YWHAZ: variants seen among roughly 807,000 people sequenced by gnomAD.
YWHAZ encodes tyrosine 3-monooxygenase/tryptophan 5-monooxygenase activation protein zeta, also known as 14-3-3 protein zeta/delta.
For missense variants in YWHAZ, 79 were observed against 284.8 expected, an observed-to-expected ratio of 0.28 and a Z score of 5.20; for synonymous variants, 87 against 103.6, an observed-to-expected ratio of 0.84 and a Z score of 0.97.
At chr8:100,944,927 G>A (rs552915936) in intron 2 of YWHAZ, among the ~76,000 whole-genome samples, 4 of 152,188 alleles carry the variant, frequency 2.6e-5, no homozygotes, top group African/African-American at 9.6e-5. Context: ...TATTCACCTC[G>A]ACATACTTCT....
At chr8:100,923,833 A>G (rs1813189087) in intron 5 of YWHAZ, 122 bp downstream of exon 5, 2 of 662,586 alleles carry the variant, frequency 3.0e-6, no homozygotes, top group Non-Finnish European at 5.0e-6. Context: ...TATTTATGAG[A>G]GCCTATGAAA....
chr8:100,919,721 C>A lies in YWHAZ; in HGVS notation c.*972G>T, dbSNP rs1812890555. 6.6e-6 allele frequency: 1 copy of A among 152,416 alleles called. No homozygotes were observed. The highest frequency in any genetic ancestry group is 1.5e-5 in the Non-Finnish European group (1 of 68,006). 9.4% of individuals were successfully genotyped at this position (152,416 alleles called of 1,614,324 possible). Reference sequence around the variant, plus strand: ...AAAGTCCATTCATAAAACTTTTATTCCACTTACATGAATTTAATACACGTG... The same window carrying A: ...AAAGTCCATTCATAAAACTTTTATTACACTTACATGAATTTAATACACGTG... On this transcript the variant is annotated 3_prime_UTR_variant, in exon 6 of 6. Transcript: ENST00000395958.
At chr8:100,953,277 C>T, upstream of YWHAZ, 1 of 985,520 alleles carries the variant, frequency 1.0e-6, no homozygotes. Flanking sequence ...ACCTTTTTAT[C>T]TCCTAGAAGC....
At chr8:100,932,279 C>A (rs1378931586) in intron 2 of YWHAZ, among the ~76,000 whole-genome samples, 1 of 152,168 alleles carries the variant, frequency 6.6e-6, no homozygotes, top group Non-Finnish European at 1.5e-5. Context: ...GTTTGTACTG[C>A]AGTAACTGAT....
rs1812845610 is a variant in YWHAZ, at chr8:100,918,965, ATT to A, written c.*1726_*1727del. On this transcript the variant is annotated 3_prime_UTR_variant, in exon 6 of 6. Coordinates refer to ENST00000395958, the MANE Select transcript of YWHAZ (RefSeq NM_145690.3). Reference sequence around the variant, plus strand: ...AATAGAGGAGGAAGAAAGAGGAAGGATTTTAAAGGCAGACAATGACAGACCAT... The same window carrying A: ...AATAGAGGAGGAAGAAAGAGGAAGGATTAAAGGCAGACAATGACAGACCAT... The A allele has an allele frequency of 2.6e-5, 4 of 152,566 alleles. No individual in the cohort carries two copies. Among genetic ancestry groups the A allele is most frequent in the Non-Finnish European group, 5.9e-5 (4 of 68,072 alleles). 9.5% of individuals were successfully genotyped at this position (152,566 alleles called of 1,614,324 possible).
At chr8:100,928,189 A>G (rs1004752266) in intron 2 of YWHAZ, among the ~76,000 whole-genome samples, 2 of 152,018 alleles carry the variant, frequency 1.3e-5, no homozygotes, top group Non-Finnish European at 2.9e-5. Context: ...CTGAGGCAGG[A>G]GAACAGTGTG....
chr8:100,950,602 T>G (rs1810654359), intron 1 of YWHAZ: 1 of 984,736 alleles, frequency 1.0e-6, no homozygotes, highest in Non-Finnish European at 1.2e-6. Flanking sequence ...GAGTGTTAAT[T>G]CCTCCCCCCG....
intron 1 of YWHAZ, chr8:100,951,406 G>T (rs569068953): frequency 1.0e-6 from 1 of 982,520 alleles, no homozygotes; most frequent in Non-Finnish European, 1.2e-6. Context: ...CTGCGCGAGG[G>T]GGAGGGAAAG....
At position 100,933,634 on chromosome 8, in the gene YWHAZ, A is replaced by G. The variant is rs1184417485; in HGVS notation, c.295-8595T>C. Among the ~76,000 whole-genome samples the G allele has an allele frequency of 3.3e-5, 5 of 152,172 alleles. No individual in the cohort carries two copies. In the East Asian group the frequency reaches 7.7e-4, roughly 23 times the overall value. On this transcript the variant is annotated intron_variant, in intron 2 of 5. Transcript: ENST00000395958. ...TATTCAAAGCTATTCAGCTTCATCT[A>G]CATTGTCTGTACAGATAGTGTGTAG...
At chr8:100,940,772 G>A (rs1809784586) in intron 2 of YWHAZ, among the ~76,000 whole-genome samples, 1 of 152,186 alleles carries the variant, frequency 6.6e-6, no homozygotes, top group African/African-American at 2.4e-5. Flanking sequence ...TGTGGAAACA[G>A]AGTCACAGAC....
chr8:100,923,581 C>A (rs959766005), intron 5 of YWHAZ: 7 of 160,774 alleles, frequency 4.4e-5, no homozygotes, highest in African/African-American at 1.7e-4. Flanking sequence ...TCTGTAGATA[C>A]CTGAGATTTT....
intron 2 of YWHAZ, among the ~76,000 whole-genome samples, chr8:100,928,810 C>T (rs1020825211): frequency 2.6e-5 from 4 of 151,732 alleles, no homozygotes; most frequent in South Asian, 4.2e-4. Flanking sequence ...CGTTATTCCA[C>T]AATCAGGAAT....
chr8:100,941,365 G>A (rs977839980), intron 2 of YWHAZ, among the ~76,000 whole-genome samples: 1 of 152,178 alleles, frequency 6.6e-6, no homozygotes, highest in Non-Finnish European at 1.5e-5. Context: ...TCTCAGAAAA[G>A]CGTTTGTAAT....
chr8:100,924,789 A>C lies in YWHAZ; in HGVS notation c.418+127T>G. Reference sequence around the variant, plus strand: ...AGTAGATGTGTATTCTCAGAACACAAAGAGCACTGCTACTCCTTATTCGGC... The same window carrying C: ...AGTAGATGTGTATTCTCAGAACACACAGAGCACTGCTACTCCTTATTCGGC... On this transcript the variant is annotated intron_variant, in intron 3 of 5. Coordinates refer to ENST00000395958, the MANE Select transcript of YWHAZ (RefSeq NM_145690.3). This position sits in a 1 kb window ranked among gnomAD's most constrained non-coding sequence, Gnocchi z 5.7. The C allele has an allele frequency of 8.3e-7, 1 of 1,200,064 alleles. No homozygotes were observed. The allele number at this position is 1,200,064 out of a possible 1,614,324, so 74.3% of individuals were successfully genotyped here. A position where few individuals can be genotyped will look rare whatever the true frequency, so the allele number is the denominator to read the frequency against.
At chr8:100,944,540 C>T (rs1810123382) in intron 2 of YWHAZ, among the ~76,000 whole-genome samples, 1 of 152,202 alleles carries the variant, frequency 6.6e-6, no homozygotes, top group Non-Finnish European at 1.5e-5. Context: ...TCATTCTCTG[C>T]CTACAGCAGT....
chr8:100,944,395 T>C (rs1471433932), intron 2 of YWHAZ, among the ~76,000 whole-genome samples: 2 of 152,180 alleles, frequency 1.3e-5, no homozygotes, highest in African/African-American at 4.8e-5. Context: ...AATAAAAACG[T>C]AGAGCAGCAA....
chr8:100,924,396 T>A lies in YWHAZ; in HGVS notation c.419-98A>T. 1.6e-6 allele frequency: 2 copies of A among 1,219,216 alleles called. No individual in the cohort carries two copies. The highest frequency in any genetic ancestry group is 2.3e-6 in the Non-Finnish European group (2 of 887,980). 75.5% of individuals were successfully genotyped at this position (1,219,216 alleles called of 1,614,324 possible). ...ATATCTCACATATCCTTTGAAATAC[T>A]AACCTGTAACAGCTTAATATTTGTT... On this transcript the variant is annotated intron_variant, in intron 3 of 5. Coordinates refer to ENST00000395958, the MANE Select transcript of YWHAZ (RefSeq NM_145690.3). This position sits in a 1 kb window ranked among gnomAD's most constrained non-coding sequence, Gnocchi z 5.7.
rs917807812 is a variant in YWHAZ, at chr8:100,919,486, T to C, written c.*1207A>G. Reference sequence around the variant, plus strand: ...AAATAGGAACTCATTTTTTTCAGGGTGGGGAGGAAGAGAGGGGATCATGGG... The same window carrying C: ...AAATAGGAACTCATTTTTTTCAGGGCGGGGAGGAAGAGAGGGGATCATGGG... On this transcript the variant is annotated 3_prime_UTR_variant, in exon 6 of 6. Coordinates refer to ENST00000395958, the MANE Select transcript of YWHAZ (RefSeq NM_145690.3). The C allele has an allele frequency of 2.6e-5, 4 of 151,986 alleles. No individual in the cohort carries two copies. The highest frequency in any genetic ancestry group is 9.7e-5 in the African/African-American group (4 of 41,318). The allele number at this position is 151,986 out of a possible 1,614,324, so 9.4% of individuals were successfully genotyped here.
upstream of YWHAZ, chr8:100,952,993 A>C (rs1002509011): frequency 2.0e-6 from 2 of 1,000,566 alleles, no homozygotes; most frequent in African/African-American, 3.5e-5. Context: ...GCGAGGGGAC[A>C]ATGGGTGGGC....
Sources: allele counts gnomAD v4.1 joint callset (sites outside exome capture counted in the v4.1 genomes callset), GRCh38; gene constraint gnomAD v4.1.1; non-coding constraint Gnocchi (gnomAD v3.1); transcripts MANE v1.5; gene names NCBI Gene and HGNC (gene_info 2026-07-23, HGNC 2026-07-21).